The following LINGO1 variants were observed in gnomAD, a reference collection of about 807,000 sequenced individuals.
LINGO1 encodes the protein leucine-rich repeat and immunoglobulin-like domain-containing nogo receptor-interacting protein 1.
A neutral mutation model predicts 37.3 loss-of-function variants in LINGO1; 11 were observed. That is an observed-to-expected ratio of 0.29 (90% CI 0.19 to 0.49). The LOEUF is 0.49. LINGO1 is among the 20% of genes least tolerant of loss of function. The pLI is 0.99. For missense variants in LINGO1, 585 were observed against 878.2 expected, an observed-to-expected ratio of 0.67 and a Z score of 4.22; for synonymous variants, 387 against 403.0, an observed-to-expected ratio of 0.96 and a Z score of 0.48.
intron 3 of LINGO1, chr15:77,641,769 C>T (rs1046905813): frequency 1.1e-5 from 5 of 436,474 alleles, no homozygotes; most frequent in East Asian, 7.1e-5. Flanking sequence ...GAGCCAGAAA[C>T]GGGGCTGTGG....
chr15:77,652,491 T>TGC (rs1280636185), intron 3 of LINGO1, among the ~76,000 whole-genome samples: 1 of 137,876 alleles, frequency 7.3e-6, no homozygotes, highest in Non-Finnish European at 1.7e-5. Flanking sequence ...AGAGTGTGTG[T>TGC]GTGTGTGTGT....
At chr15:77,619,580 G>A (rs544353320) in intron 1 of LINGO1, among the ~76,000 whole-genome samples, 1 of 152,176 alleles carries the variant, frequency 6.6e-6, no homozygotes, top group African/African-American at 2.4e-5. Flanking sequence ...CAACTACTCA[G>A]GGAGATTGAA....
intron 1 of LINGO1, among the ~76,000 whole-genome samples, chr15:77,780,646 A>AC (rs1567580569): frequency 6.6e-6 from 1 of 152,006 alleles, no homozygotes; most frequent in Non-Finnish European, 1.5e-5. Flanking sequence ...CCAGGTCCTA[A>AC]CCCCCAGTGA....
chr15:77,737,908 C>A (rs923141339), intron 1 of LINGO1, among the ~76,000 whole-genome samples: 4 of 152,156 alleles, frequency 2.6e-5, no homozygotes, highest in African/African-American at 9.7e-5. Context: ...TCAGCTTAAA[C>A]CCCTGCTGTG....
intron 1 of LINGO1, among the ~76,000 whole-genome samples, chr15:77,757,224 CTT>C (rs1222261698): frequency 6.6e-6 from 1 of 152,252 alleles, no homozygotes; most frequent in Non-Finnish European, 1.5e-5. Context: ...ACATTTGAGA[CTT>C]TGATATCTTT....
chr15:77,639,606 C>T lies in LINGO1; in HGVS notation c.-12-23706G>A, dbSNP rs867826794. ...ATTGGGAAAAGGAATGTACAGAACA[C>T]GGTACATTCGCACAATGGAATACTA... On this transcript the variant is annotated intron_variant, in intron 3 of 3. Coordinates refer to the LINGO1 transcript ENST00000559893. Among the ~76,000 whole-genome samples the T allele has an allele frequency of 4.6e-5, 7 of 152,164 alleles. No individual in the cohort carries two copies. The Middle Eastern group carries it at 0.01, about 222-fold the overall frequency.
At chr15:77,737,589 C>G (rs1185712022) in intron 1 of LINGO1, among the ~76,000 whole-genome samples, 1 of 152,160 alleles carries the variant, frequency 6.6e-6, no homozygotes, top group African/African-American at 2.4e-5. Context: ...CCTTCACTTC[C>G]AGTTCCCTCT....
chr15:77,762,405 C>A (rs1404398444), intron 1 of LINGO1, among the ~76,000 whole-genome samples: 1 of 152,180 alleles, frequency 6.6e-6, no homozygotes, highest in African/African-American at 2.4e-5. Flanking sequence ...GGAAGCCTAT[C>A]CTGACCACCT....
intron 1 of LINGO1, among the ~76,000 whole-genome samples, chr15:77,744,753 A>C (rs2076296781): frequency 6.6e-6 from 1 of 152,210 alleles, no homozygotes; most frequent in Non-Finnish European, 1.5e-5. Flanking sequence ...GCTACTGAGT[A>C]CAGCCAGGAT....
chr15:77,699,188 C>G (rs1457957696), upstream of LINGO1, among the ~76,000 whole-genome samples: 2 of 151,934 alleles, frequency 1.3e-5, no homozygotes, highest in Non-Finnish European at 2.9e-5. Flanking sequence ...TGGTAGTCCC[C>G]TCGTTTCCCT....
intron 3 of LINGO1, among the ~76,000 whole-genome samples, chr15:77,642,419 T>A (rs2074528996): frequency 6.6e-6 from 1 of 152,216 alleles, no homozygotes; most frequent in South Asian, 2.1e-4. Context: ...AAAGAACAGC[T>A]GGGAAGGTTG....
intron 2 of LINGO1, among the ~76,000 whole-genome samples, chr15:77,701,945 T>C (rs929977070): frequency 6.6e-6 from 1 of 152,164 alleles, no homozygotes; most frequent in South Asian, 2.1e-4. Context: ...GCCAGGAGTT[T>C]GGGGGTGTGG....
chr15:77,790,455 C>G (rs895273880), upstream of LINGO1, among the ~76,000 whole-genome samples: 3 of 152,230 alleles, frequency 2.0e-5, no homozygotes, highest in African/African-American at 7.2e-5. Flanking sequence ...GCTGGAACAA[C>G]AGACACACAG....
At chr15:77,735,266 C>T (rs1055867850) in intron 1 of LINGO1, among the ~76,000 whole-genome samples, 2 of 152,174 alleles carry the variant, frequency 1.3e-5, no homozygotes, top group Non-Finnish European at 2.9e-5. Context: ...ATTGCACTTT[C>T]GGTAAAGCAA....
At chr15:77,671,844 T>C (rs1390667891) in intron 3 of LINGO1, among the ~76,000 whole-genome samples, 1 of 152,240 alleles carries the variant, frequency 6.6e-6, no homozygotes, top group Non-Finnish European at 1.5e-5. Flanking sequence ...GATGCCTCAC[T>C]ATCTCCTCCT....
chr15:77,656,147 C>A (rs1253495806), intron 3 of LINGO1, among the ~76,000 whole-genome samples: 1 of 152,176 alleles, frequency 6.6e-6, no homozygotes, highest in Non-Finnish European at 1.5e-5. Context: ...GAATCTCAGG[C>A]AGGATGCAGG....
intron 2 of LINGO1, among the ~76,000 whole-genome samples, chr15:77,686,212 G>A (rs984643047): frequency 6.6e-6 from 1 of 152,126 alleles, no homozygotes; most frequent in Admixed American, 6.5e-5. Flanking sequence ...CCACCCAACT[G>A]AGGCCCTCCT....
chr15:77,794,330 A>ATG (rs575749750), intron 2 of LINGO1, among the ~76,000 whole-genome samples: 3 of 114,776 alleles, frequency 2.6e-5, no homozygotes, highest in African/African-American at 6.1e-5. Context: ...ACATACATAT[A>ATG]TGTATATACA....
intron 2 of LINGO1, among the ~76,000 whole-genome samples, chr15:77,727,525 G>A (rs1313489101): frequency 6.6e-6 from 1 of 152,164 alleles, no homozygotes; most frequent in Non-Finnish European, 1.5e-5. Flanking sequence ...CTAGTATGAG[G>A]TACCTAAGGT....
Sources: gnomAD v4.1 joint callset for allele counts (sites outside exome capture counted in the v4.1 genomes callset) on GRCh38, gnomAD v4.1.1 for gene constraint, MANE v1.5 for transcripts, NCBI Gene and HGNC (gene_info 2026-07-23, HGNC 2026-07-21) for gene names.